The following SLC17A8 variants were observed in gnomAD, a reference collection of about 807,000 sequenced individuals.
SLC17A8 encodes vesicular glutamate transporter 3.
SLC17A8 carries 31 observed loss-of-function variants against 58.0 expected under a neutral mutation model. The ratio of observed to expected loss-of-function variants is 0.53; its 90% CI spans 0.40 to 0.72. The LOEUF (loss-of-function observed/expected upper bound fraction) is 0.72, where lower values mean the gene tolerates loss of function less well. Ranked by LOEUF, SLC17A8 falls within the 30% of genes least tolerant of loss-of-function variation. SLC17A8 has a pLI of 0.00. For synonymous variants in SLC17A8, 228 were observed against 249.0 expected (o/e 0.92, Z 0.79); for missense variants, 655 against 727.8 (o/e 0.90, Z 1.15).
intron 1 of SLC17A8, among the ~76,000 whole-genome samples, chr12:100,359,999 A>T (rs752129800): frequency 2.0e-5 from 3 of 152,198 alleles, no homozygotes; most frequent in Non-Finnish European, 4.4e-5. Flanking sequence ...TCTAAATGGA[A>T]TTCTTGAGAT....
chr12:100,378,791 G>A (rs888593613), intron 1 of SLC17A8, among the ~76,000 whole-genome samples: 2 of 152,102 alleles, frequency 1.3e-5, no homozygotes, highest in Admixed American at 6.5e-5. Flanking sequence ...GAAATGGTTA[G>A]GTTCTTTTCC....
chr12:100,391,172 C>A, intron 3 of SLC17A8, 53 bp downstream of exon 3: 1 of 1,265,558 alleles, frequency 7.9e-7, no homozygotes, highest in East Asian at 2.3e-5. Context: ...GGCTTTGTAC[C>A]TATAAATTCT....
At chr12:100,388,219 C>G (rs576107856) in intron 2 of SLC17A8, among the ~76,000 whole-genome samples, 16 of 152,296 alleles carry the variant, frequency 1.1e-4, no homozygotes, top group African/African-American at 3.8e-4. Context: ...TCAGTGAAGA[C>G]TTCCCTGGCC....
In SLC17A8 at chr12:100,407,479, GT is replaced by G. The variant is rs1024144522; in HGVS notation, c.1186+3317del. Among the ~76,000 whole-genome samples the G allele has an allele frequency of 8.6e-5, 13 of 151,958 alleles. No individual in the cohort carries two copies. The East Asian group carries it at 1.5e-3, about 18-fold the overall frequency. On this transcript the variant is annotated intron_variant, in intron 9 of 11. Transcript: ENST00000323346. ...ACAAAGTGCCTGTTGAGAGGAAATA[GT>G]TTTTTTTCTGCAGAAACTAGAAGGC...
intron 1 of SLC17A8, among the ~76,000 whole-genome samples, chr12:100,364,121 G>A (rs969664776): frequency 1.3e-5 from 2 of 151,292 alleles, no homozygotes; most frequent in Non-Finnish European, 2.9e-5. Context: ...GGTATATGGT[G>A]GGGCTTGTGC....
chr12:100,417,973 A>G, intron 10 of SLC17A8, 56 bp from the exon 11 acceptor site: 1 of 1,612,206 alleles, frequency 6.2e-7, no homozygotes, highest in Non-Finnish European at 8.5e-7. Flanking sequence ...TATTTTCCAA[A>G]GCATATTTGA....
rs1952936070 is a variant in SLC17A8 at position 100,419,980 on chromosome 12, G to C, written c.1591G>C (p.Glu531Gln). Residue 531 changes from glutamate to glutamine, a missense_variant, in exon 12 of 12, where the codon GAG (glutamate) becomes CAG (glutamine). Glu to Gln is a conservative substitution (Grantham distance 29). Coordinates refer to ENST00000323346, the MANE Select transcript of SLC17A8 (RefSeq NM_139319.3). ...CATTGACCAGGACGAATTAGCTGAG[G>C]AGATAGAACTCAACCATGAGAGTTT... is the stretch of plus-strand genomic sequence containing the variant. The part of the protein sequence containing the change: ...GIIDQDELAE[E>Q]IELNHESFAS... 6.2e-7 allele frequency: 1 copy of C among 1,613,988 alleles called. No individual in the cohort carries two copies. The highest frequency in any genetic ancestry group is 1.1e-5 in the South Asian group (1 of 91,066).
chr12:100,400,226 A>G (rs1157331478), intron 5 of SLC17A8, among the ~76,000 whole-genome samples: 1 of 152,078 alleles, frequency 6.6e-6, no homozygotes, highest in Non-Finnish European at 1.5e-5. Context: ...GACAAAGGCC[A>G]CCCTATCTCC....
intron 1 of SLC17A8, among the ~76,000 whole-genome samples, chr12:100,379,815 C>A (rs1182010306): frequency 1.3e-5 from 2 of 151,756 alleles, no homozygotes; most frequent in East Asian, 3.9e-4. Flanking sequence ...CTTAGAGGAA[C>A]CATCTAAGGA....
rs141694078 is a variant in SLC17A8 at position 100,420,632 on chromosome 12, T to C, written c.*473T>C. 4.4e-4 allele frequency: 71 copies of C among 163,132 alleles called. No individual in the cohort carries two copies. The East Asian group carries it at 0.011, about 25-fold the overall frequency. The allele number at this position is 163,132 out of a possible 1,614,324, so 10.1% of individuals were successfully genotyped here. A position where few individuals can be genotyped will look rare whatever the true frequency, so the allele number is the denominator to read the frequency against. Reference sequence around the variant, plus strand: ...CTCTTATTTAATCTCCACACCTTTATGACACACATTTCTTATCCCCATTTT... The same window carrying C: ...CTCTTATTTAATCTCCACACCTTTACGACACACATTTCTTATCCCCATTTT... On this transcript the variant is annotated 3_prime_UTR_variant, in exon 12 of 12. Coordinates refer to ENST00000323346, the MANE Select transcript of SLC17A8 (RefSeq NM_139319.3).
chr12:100,381,069 T>A, intron 2 of SLC17A8, 116 bp downstream of exon 2: 1 of 1,208,550 alleles, frequency 8.3e-7, no homozygotes, highest in Non-Finnish European at 1.2e-6. Context: ...CCTGCCAGGT[T>A]GAAATTAACC....
chr12:100,403,862 G>C (rs141130125), intron 8 of SLC17A8, among the ~76,000 whole-genome samples, 176 bp from the exon 9 acceptor site: 1 of 152,084 alleles, frequency 6.6e-6, no homozygotes, highest in Non-Finnish European at 1.5e-5. Context: ...AAAATCATTC[G>C]CTCATTCATC....
At chr12:100,393,028 G>C (rs1952727542) in intron 3 of SLC17A8, among the ~76,000 whole-genome samples, 1 of 152,220 alleles carries the variant, frequency 6.6e-6, no homozygotes. Context: ...CCAGGGGCCA[G>C]AGCTTGGGAA....
At chr12:100,398,551 GAC>G (rs1952768455) in intron 5 of SLC17A8, among the ~76,000 whole-genome samples, 1 of 152,228 alleles carries the variant, frequency 6.6e-6, no homozygotes, top group Admixed American at 6.5e-5. Context: ...CCTGATCAAG[GAC>G]ACAGGCCTCA....
chr12:100,417,648 A>G (rs1242887199), intron 10 of SLC17A8, among the ~76,000 whole-genome samples: 1 of 152,210 alleles, frequency 6.6e-6, no homozygotes, highest in Non-Finnish European at 1.5e-5. Context: ...GAGTGGGAAT[A>G]TTATAAAGCA....
Position 100,419,860 on chromosome 12 carries a change from C to A in SLC17A8, c.1471C>A (p.His491Asn). Reference protein sequence around the residue: ...QNVFLIAALVHYSGVIFYGVF... With the variant: ...QNVFLIAALVNYSGVIFYGVF... ...TGTGTTCCTCATAGCTGCCCTGGTGCATTACAGTGGTGTGATCTTCTATGG... is the reference window on the plus strand; with the variant it reads ...TGTGTTCCTCATAGCTGCCCTGGTGAATTACAGTGGTGTGATCTTCTATGG... The change falls in exon 12 of 12, where the codon CAT becomes AAT. Residue 491 changes from histidine (H) to asparagine (N), a missense_variant. By Grantham distance (68) the His-to-Asn change is moderately conservative (BLOSUM62 1). Transcript: ENST00000323346. The A allele has an allele frequency of 1.2e-6, 2 of 1,614,026 alleles. No homozygotes were observed. The highest frequency in any genetic ancestry group is 2.2e-5 in the South Asian group (2 of 91,086).
At chr12:100,373,308 T>C (rs1208172038) in intron 1 of SLC17A8, among the ~76,000 whole-genome samples, 1 of 152,104 alleles carries the variant, frequency 6.6e-6, no homozygotes, top group East Asian at 1.9e-4. Context: ...AAGAAATGAG[T>C]TCGTTTTTCT....
At chr12:100,393,570 T>G in intron 4 of SLC17A8, 87 bp downstream of exon 4, 1 of 997,386 alleles carries the variant, frequency 1.0e-6, no homozygotes, top group Non-Finnish European at 1.6e-6. Context: ...AAATCCCCTT[T>G]ACTCAGTTTT....
chr12:100,388,339 G>T (rs1008763460), intron 2 of SLC17A8, among the ~76,000 whole-genome samples: 2 of 151,984 alleles, frequency 1.3e-5, no homozygotes, highest in African/African-American at 2.4e-5. Context: ...GCCTGTAATT[G>T]TTTATCACCT....
Sources: allele counts gnomAD v4.1 joint callset (sites outside exome capture counted in the v4.1 genomes callset), GRCh38; gene constraint gnomAD v4.1.1; transcripts MANE v1.5; gene names NCBI Gene and HGNC (gene_info 2026-07-23, HGNC 2026-07-21).